SLC30A8: variants seen among roughly 807,000 people sequenced by gnomAD.
SLC30A8 encodes the protein solute carrier family 30 member 8.
SLC30A8 carries 27 observed loss-of-function variants against 36.9 expected under a neutral mutation model. The observed-to-expected ratio is 0.73, with a 90% confidence interval of 0.54 to 1.01. The LOEUF (loss-of-function observed/expected upper bound fraction) is 1.01. Ranked by LOEUF, SLC30A8 falls within the 50% of genes least tolerant of loss-of-function variation. The pLI is 0.00. For synonymous variants in SLC30A8, 164 were observed against 172.4 expected (o/e 0.95, Z 0.38); for missense variants, 439 against 452.0 (o/e 0.97, Z 0.26).
At chr8:117,100,454 C>T (rs866803949) in intron 2 of SLC30A8, among the ~76,000 whole-genome samples, 11 of 152,124 alleles carry the variant, frequency 7.2e-5, no homozygotes, top group African/African-American at 9.7e-5. Context: ...CTCTAAGCCC[C>T]CAACACAAGC....
chr8:117,022,297 C>A (rs1816724139), intron 1 of SLC30A8, among the ~76,000 whole-genome samples: 1 of 151,892 alleles, frequency 6.6e-6, no homozygotes, highest in Non-Finnish European at 1.5e-5. Flanking sequence ...AAAACACTAA[C>A]CATCAGGGGA....
intron 6 of SLC30A8, among the ~76,000 whole-genome samples, chr8:117,167,057 G>A (rs114644905): frequency 9.9e-5 from 15 of 152,100 alleles, no homozygotes; most frequent in Non-Finnish European, 2.9e-5. Flanking sequence ...CCTGAGTGCC[G>A]AATGCTGAGC....
chr8:117,018,510 T>C (rs1258503298), intron 1 of SLC30A8, among the ~76,000 whole-genome samples: 3 of 152,028 alleles, frequency 2.0e-5, no homozygotes, highest in South Asian at 4.1e-4. Context: ...GGCGCCACCA[T>C]GTTTGGATAG....
At chr8:117,032,598 G>A (rs1817088088) in intron 1 of SLC30A8, among the ~76,000 whole-genome samples, 1 of 152,120 alleles carries the variant, frequency 6.6e-6, no homozygotes, top group African/African-American at 2.4e-5. Context: ...AGAAAGACTT[G>A]TTAACCTTTG....
At chr8:116,986,827 A>G (rs1815459713) in intron 1 of SLC30A8, among the ~76,000 whole-genome samples, 2 of 152,200 alleles carry the variant, frequency 1.3e-5, no homozygotes, top group Admixed American at 6.5e-5. Context: ...TATAGTTTAA[A>G]AGCTGGTTAT....
At chr8:117,064,116 T>C (rs566961390) in intron 2 of SLC30A8, among the ~76,000 whole-genome samples, 1 of 152,054 alleles carries the variant, frequency 6.6e-6, no homozygotes, top group South Asian at 2.1e-4. Flanking sequence ...CTCAGCCTCC[T>C]GAGTAGCTGG....
intron 2 of SLC30A8, among the ~76,000 whole-genome samples, chr8:117,101,911 A>G (rs999914869): frequency 9.9e-5 from 15 of 152,160 alleles, no homozygotes; most frequent in Admixed American, 7.2e-4. Context: ...GTGTGAGTCA[A>G]TATGCCTTAA....
intron 2 of SLC30A8, among the ~76,000 whole-genome samples, chr8:117,097,340 T>A (rs1819416187): frequency 8.1e-6 from 1 of 123,056 alleles, no homozygotes; most frequent in African/African-American, 3.2e-5. Flanking sequence ...GAGCTTGCAG[T>A]GAGCCGAGAT....
chr8:117,166,262 T>G (rs570290948), intron 6 of SLC30A8, among the ~76,000 whole-genome samples: 1 of 152,180 alleles, frequency 6.6e-6, no homozygotes, highest in Non-Finnish European at 1.5e-5. Context: ...ATCATGTCAA[T>G]TTAAAACTGT....
chr8:117,088,063 G>A (rs1818951212), intron 2 of SLC30A8, among the ~76,000 whole-genome samples: 1 of 151,462 alleles, frequency 6.6e-6, no homozygotes, highest in Non-Finnish European at 1.5e-5. Context: ...AAAGGGAGGA[G>A]GGACAAGGGA....
chr8:117,054,018 T>G (rs1817790011), intron 2 of SLC30A8, among the ~76,000 whole-genome samples: 1 of 152,110 alleles, frequency 6.6e-6, no homozygotes, highest in Non-Finnish European at 1.5e-5. Context: ...CAATAATGAT[T>G]CATTACAGAT....
At chr8:117,105,313 A>G (rs1258203568) in intron 2 of SLC30A8, among the ~76,000 whole-genome samples, 1 of 152,122 alleles carries the variant, frequency 6.6e-6, no homozygotes, top group African/African-American at 2.4e-5. Context: ...TCCAGCCTCT[A>G]TCCATTATTC....
In SLC30A8 at chr8:117,172,606, C is replaced by G; in HGVS notation, c.1035C>G (p.His345Gln). 1 of 1,613,748 alleles carries G rather than the reference C, an allele frequency of 6.2e-7. No homozygotes were observed. The highest frequency in any genetic ancestry group is 8.5e-7 in the Non-Finnish European group (1 of 1,179,732). Residue 345 changes from histidine to glutamine, a missense_variant, in exon 8 of 8, where the codon CAC (histidine) becomes CAG (glutamine). Transcript: ENST00000456015. ...CCCTTAGCAAAAGCTTTACGATGCACTCACTCACCATTCAGATGGAATCTC... is the reference window on the plus strand; with the variant it reads ...CCCTTAGCAAAAGCTTTACGATGCAGTCACTCACCATTCAGATGGAATCTC... ...AKALSKSFTM[H>Q]SLTIQMESPV...
intron 1 of SLC30A8, among the ~76,000 whole-genome samples, chr8:116,973,013 GTCTCATGATGGTAGAA>G (rs1248017983): frequency 1.3e-5 from 2 of 152,104 alleles, no homozygotes; most frequent in Non-Finnish European, 2.9e-5. Flanking sequence ...AGGTGATTAG[GTCTCATGATGGTAGAA>G]TCCTCATGAA....
At chr8:117,054,803 T>A (rs28587903) in intron 2 of SLC30A8, among the ~76,000 whole-genome samples, 4,701 of 152,176 alleles carry the variant, frequency 0.031, 206 homozygotes, top group African/African-American at 0.098. Context: ...TTCAATAATT[T>A]GACAAAAACC....
chr8:116,986,021 A>G (rs1815430770), intron 1 of SLC30A8, among the ~76,000 whole-genome samples: 1 of 152,214 alleles, frequency 6.6e-6, no homozygotes, highest in Non-Finnish European at 1.5e-5. Context: ...CCACTTTCTC[A>G]TGCTAATAAG....
chr8:117,118,983 A>G (rs1188350452), intron 2 of SLC30A8, among the ~76,000 whole-genome samples: 1 of 151,884 alleles, frequency 6.6e-6, no homozygotes, highest in Admixed American at 6.6e-5. Flanking sequence ...GACAGGCCTA[A>G]TGTCTGTGGG....
chr8:117,031,807 T>C (rs959772960), intron 1 of SLC30A8, among the ~76,000 whole-genome samples: 3 of 152,104 alleles, frequency 2.0e-5, no homozygotes, highest in Non-Finnish European at 4.4e-5. Context: ...CACACATTCC[T>C]GCACGTGCTT....
intron 2 of SLC30A8, among the ~76,000 whole-genome samples, chr8:117,151,680 A>G (rs756025332): frequency 2.0e-5 from 3 of 152,214 alleles, no homozygotes; most frequent in Non-Finnish European, 4.4e-5. Context: ...AGCCCAGCAC[A>G]TAGAATCGTC....
Sources: allele counts gnomAD v4.1 joint callset (sites outside exome capture counted in the v4.1 genomes callset), GRCh38; gene constraint gnomAD v4.1.1; transcripts MANE v1.5; gene names NCBI Gene and HGNC (gene_info 2026-07-23, HGNC 2026-07-21).